MRTFB: variants seen among roughly 807,000 people sequenced by gnomAD.
MRTFB encodes myocardin related transcription factor B.
Under a neutral mutation model 104.2 loss-of-function variants are expected in MRTFB, and 29 were observed. The ratio of observed to expected loss-of-function variants is 0.28; its 90% confidence interval spans 0.21 to 0.38. MRTFB has a LOEUF of 0.38. Among genes scored for constraint, MRTFB ranks in the 10% least tolerant of loss-of-function variants. MRTFB has a pLI of 1.00. For synonymous variants in MRTFB, 535 were observed against 519.5 expected (o/e 1.03, Z -0.41); for missense variants, 1,270 against 1,341.6 (o/e 0.95, Z 0.83).
the MRTFB span, among the ~76,000 whole-genome samples, chr16:13,995,314 T>C: frequency 6.6e-6 from 1 of 152,194 alleles, no homozygotes; most frequent in African/African-American, 2.4e-5. Flanking sequence ...GTTTTGTTTT[T>C]TTCAGGCTAT....
chr16:14,235,189 G>A (rs1438130029), intron 9 of MRTFB, among the ~76,000 whole-genome samples: 3 of 152,170 alleles, frequency 2.0e-5, no homozygotes, highest in Non-Finnish European at 4.4e-5. Flanking sequence ...ATTCCTCACG[G>A]CCCTAAGTCG....
Position 14,227,963 on chromosome 16 carries a change from A to C in MRTFB, c.694-6183A>C, listed in dbSNP as rs189867222. Among the ~76,000 whole-genome samples, 16 of 152,254 alleles carry C rather than the reference A, an allele frequency of 1.1e-4. No homozygotes were observed. In the East Asian group the frequency reaches 3.1e-3, roughly 29 times the overall value. Reference sequence around the variant, plus strand: ...TTGCAGTCTATCTTAAAAAAAAAAAAAAAACAGGCAAAGGACTTGAATAGA... The same window carrying C: ...TTGCAGTCTATCTTAAAAAAAAAAACAAAACAGGCAAAGGACTTGAATAGA... On this transcript the variant is annotated intron_variant, in intron 8 of 16. Transcript: ENST00000571589.
the MRTFB span, among the ~76,000 whole-genome samples, chr16:14,023,598 C>CAT: frequency 5.7e-3 from 505 of 89,148 alleles, 5 homozygotes; most frequent in African/African-American, 0.024. Flanking sequence ...CACACACACA[C>CAT]ACACACACAC....
chr16:14,011,061 C>T, the MRTFB span, among the ~76,000 whole-genome samples: 1 of 152,190 alleles, frequency 6.6e-6, no homozygotes, highest in African/African-American at 2.4e-5. Flanking sequence ...AGGCTGGGTG[C>T]CAGTTCTGGC....
intron 3 of MRTFB, among the ~76,000 whole-genome samples, chr16:14,179,305 G>A (rs1300212794): frequency 6.6e-6 from 1 of 152,198 alleles, no homozygotes; most frequent in East Asian, 1.9e-4. Flanking sequence ...ATGACTCATA[G>A]ATCCCATTCC....
intron 8 of MRTFB, among the ~76,000 whole-genome samples, chr16:14,233,293 G>A (rs2042346268): frequency 6.6e-6 from 1 of 152,148 alleles, no homozygotes; most frequent in South Asian, 2.1e-4. Flanking sequence ...CAAGAAATGG[G>A]GGAATATGGT....
intron 1 of MRTFB, among the ~76,000 whole-genome samples, chr16:14,076,212 G>A (rs1370343417): frequency 6.6e-6 from 1 of 150,440 alleles, no homozygotes; most frequent in Admixed American, 6.6e-5. Flanking sequence ...TTTTTTTTGA[G>A]ACAGAATCTC....
intron 3 of MRTFB, chr16:14,200,876 G>A (rs540938104): frequency 6.9e-7 from 1 of 1,459,090 alleles, no homozygotes; most frequent in African/African-American, 1.4e-5. Flanking sequence ...TACCTCAGGT[G>A]TAAGGTGGGC....
At chr16:14,132,497 T>C (rs982646073) in intron 2 of MRTFB, among the ~76,000 whole-genome samples, 5 of 152,226 alleles carry the variant, frequency 3.3e-5, no homozygotes, top group African/African-American at 1.2e-4. Flanking sequence ...TAGAAACTTG[T>C]ATTTCTACTA....
intron 13 of MRTFB, among the ~76,000 whole-genome samples, chr16:14,251,204 C>T (rs375988677): frequency 4.9e-4 from 75 of 151,846 alleles, no homozygotes; most frequent in African/African-American, 1.4e-3. Context: ...AGTGAAACCC[C>T]GTCTCTACTA....
intron 1 of MRTFB, among the ~76,000 whole-genome samples, chr16:14,078,223 GGA>G (rs1323063156): frequency 1.3e-5 from 2 of 152,192 alleles, no homozygotes; most frequent in Non-Finnish European, 2.9e-5. Flanking sequence ...AACTCTGTAA[GGA>G]GAGAAACTGT....
chr16:14,102,591 A>G (rs1450582401), intron 2 of MRTFB, among the ~76,000 whole-genome samples: 2 of 152,198 alleles, frequency 1.3e-5, no homozygotes, highest in African/African-American at 2.4e-5. Flanking sequence ...CACCACATCT[A>G]CGTTTAGACT....
At chr16:14,023,822 T>C in the MRTFB span, among the ~76,000 whole-genome samples, 3 of 152,076 alleles carry the variant, frequency 2.0e-5, no homozygotes, top group Admixed American at 2.0e-4. Context: ...AGGCTGAGGC[T>C]GGCAGATAAC....
At chr16:14,102,485 CT>C (rs1183099410) in intron 2 of MRTFB, among the ~76,000 whole-genome samples, 2 of 152,146 alleles carry the variant, frequency 1.3e-5, no homozygotes, top group African/African-American at 4.8e-5. Context: ...ATTTTCCCCC[CT>C]CTCAAGGACT....
rs2141746117 is a variant in MRTFB, at chr16:14,071,364, A to G, written c.-130A>G. On this transcript the variant is annotated splice_region_variant and 5_prime_UTR_variant, in exon 1 of 17. Transcript: ENST00000571589. ...GGAGCGGCGGCGGCGGCGGCCGGGG[A>G]GGTGAGCGGCGGGCGGTGGCGGCCG... 6.6e-6 allele frequency: 1 copy of G among 152,224 alleles called. No homozygotes were observed. Among genetic ancestry groups the G allele is most frequent in the Non-Finnish European group, 1.3e-5 (1 of 75,216 alleles). 9.4% of individuals were successfully genotyped at this position (152,224 alleles called of 1,614,324 possible). A position where few individuals can be genotyped will look rare whatever the true frequency, so the allele number is the denominator to read the frequency against.
At chr16:14,067,847 T>A (rs2033539393), upstream of MRTFB, among the ~76,000 whole-genome samples, 1 of 152,144 alleles carries the variant, frequency 6.6e-6, no homozygotes, top group African/African-American at 2.4e-5. Context: ...TTTTATTATT[T>A]TTGAGACAGA....
chr16:14,259,302 C>T (rs1269714225), intron 16 of MRTFB, among the ~76,000 whole-genome samples: 1 of 150,152 alleles, frequency 6.7e-6, no homozygotes, highest in East Asian at 2.0e-4. Context: ...AAAAATTAGC[C>T]GGGTGTGGTG....
chr16:14,035,510 A>G, the MRTFB span, among the ~76,000 whole-genome samples: 1 of 152,202 alleles, frequency 6.6e-6, no homozygotes, highest in Non-Finnish European at 1.5e-5. Context: ...AGACCAATAA[A>G]AATATGAAAA....
At chr16:14,101,161 TAAGGG>T (rs2035684165) in intron 2 of MRTFB, among the ~76,000 whole-genome samples, 1 of 151,626 alleles carries the variant, frequency 6.6e-6, no homozygotes. Flanking sequence ...TTTCTGATTT[TAAGGG>T]TAAAGTGTAG....
Sources: gnomAD v4.1 joint callset for allele counts (sites outside exome capture counted in the v4.1 genomes callset) on GRCh38, gnomAD v4.1.1 for gene constraint, MANE v1.5 for transcripts, NCBI Gene and HGNC (gene_info 2026-07-23, HGNC 2026-07-21) for gene names.